The following PSD2 variants were observed in gnomAD, a reference collection of about 807,000 sequenced individuals.
The protein encoded by PSD2 is PH and SEC7 domain-containing protein 2.
A neutral mutation model predicts 69.8 loss-of-function variants in PSD2; 38 were observed. That is an observed-to-expected ratio of 0.54 (90% confidence interval 0.42 to 0.71). The LOEUF (loss-of-function observed/expected upper bound fraction) is 0.71, where lower values mean the gene tolerates loss of function less well. Ranked by LOEUF, PSD2 falls within the 30% of genes least tolerant of loss-of-function variation. PSD2 has a pLI of 0.00. For missense variants in PSD2, 943 were observed against 1,014.5 expected (o/e 0.93, Z 0.96); for synonymous variants, 412 against 423.0 (o/e 0.97, Z 0.32).
intron 5 of PSD2, among the ~76,000 whole-genome samples, chr5:139,819,699 A>G (rs1760209292): frequency 2.6e-5 from 4 of 152,136 alleles, no homozygotes; most frequent in Non-Finnish European, 5.9e-5. Flanking sequence ...CAATTTTCCA[A>G]TATCTTAAGA....
chr5:139,749,063 G>T, the PSD2 span, among the ~76,000 whole-genome samples: 2 of 152,098 alleles, frequency 1.3e-5, no homozygotes, highest in Non-Finnish European at 2.9e-5. Context: ...TCTCCCCAGG[G>T]TAAGTCAGGC....
chr5:139,838,540 C>T, intron 12 of PSD2, 88 bp from the exon 13 acceptor site: 1 of 1,456,964 alleles, frequency 6.9e-7, no homozygotes, highest in Non-Finnish European at 9.5e-7. Context: ...CTTCTCAGTG[C>T]CAGGCCCAGT....
chr5:139,802,851 G>A (rs1039547920), intron 1 of PSD2, among the ~76,000 whole-genome samples: 1 of 152,218 alleles, frequency 6.6e-6, no homozygotes, highest in African/African-American at 2.4e-5. Context: ...GACCTTTGTG[G>A]AGCAAGCTCC....
rs2126973989 is a variant in PSD2 at position 139,842,334 on chromosome 5, C to A, written c.2176C>A (p.Leu726Met). ...AMKIKVGSDD[L>M]ERIEARLATL... Reference sequence around the variant, plus strand: ...GAAAATCAAAGTGGGCTCAGATGATCTGGAGCGGATTGAGGCCCGGCTGGC... The same window carrying A: ...GAAAATCAAAGTGGGCTCAGATGATATGGAGCGGATTGAGGCCCGGCTGGC... The change falls in exon 15 of 15, where the codon CTG becomes ATG. Residue 726 changes from leucine to methionine, a missense_variant. Physicochemically the swap from Leu to Met is conservative, Grantham distance 15 (BLOSUM62 2). Around this residue, in one of 3 missense-constraint regions of PSD2, gnomAD observed 165 missense variants for 168.8 expected, o/e 0.98. Coordinates refer to ENST00000274710, the MANE Select transcript of PSD2 (RefSeq NM_032289.4). The A allele has an allele frequency of 6.2e-7, 1 of 1,614,208 alleles. No individual in the cohort carries two copies. The highest frequency in any genetic ancestry group is 1.1e-5 in the South Asian group (1 of 91,080).
Position 139,814,619 on chromosome 5 carries a change from C to T in PSD2, c.1016+255C>T, listed in dbSNP as rs190640427. ...GGGCAGCCCCTCAGGGCTGGGGGTG[C>T]GGGATGTGGGATGTGGTTATGGGGC... On this transcript the variant is annotated intron_variant, in intron 4 of 14. Transcript: ENST00000274710. This position sits in a 1 kb window ranked among gnomAD's most constrained non-coding sequence, Gnocchi z 4.4. 3.2e-3 allele frequency among the ~76,000 whole-genome samples: 489 copies of T among 151,768 alleles called. 13 individuals are homozygous for T. The highest frequency in any genetic ancestry group is 0.028 in the Admixed American group (434 of 15,250).
chr5:139,795,935 C>T lies in PSD2; in HGVS notation c.-91C>T, dbSNP rs950113996. ...AGGCAGCCCGGCGGCCTCCGATGGC[C>T]CCGCCGTGAGAGGCCGGACCCGCGG... On this transcript the variant is annotated 5_prime_UTR_variant, in exon 1 of 15. Transcript: ENST00000274710. This position sits in a 1 kb window ranked among gnomAD's most constrained non-coding sequence, Gnocchi z 4.5. 1 of 150,862 alleles carries T rather than the reference C, an allele frequency of 6.6e-6. No homozygotes were observed. The highest frequency in any genetic ancestry group is 2.4e-5 in the African/African-American group (1 of 41,284). 9.3% of individuals were successfully genotyped at this position (150,862 alleles called of 1,614,324 possible). A position where few individuals can be genotyped will look rare whatever the true frequency, so the allele number is the denominator to read the frequency against.
chr5:139,804,056 A>G (rs1330538844), intron 1 of PSD2, among the ~76,000 whole-genome samples: 2 of 152,196 alleles, frequency 1.3e-5, no homozygotes, highest in Admixed American at 6.5e-5. Flanking sequence ...CGGTGTGGGC[A>G]TCGCTGTTCA....
chr5:139,809,857 T>G, intron 2 of PSD2, 46 bp downstream of exon 2: 1 of 1,598,276 alleles, frequency 6.3e-7, no homozygotes, highest in Non-Finnish European at 8.5e-7. Context: ...TTGGCTGTTC[T>G]GTTGTTGTGT....
rs1561609533 is a variant in PSD2, at chr5:139,838,652, G to A, written c.1848G>A (p.Trp616Ter). The A allele has an allele frequency of 1.4e-5, 23 of 1,613,716 alleles. No individual in the cohort carries two copies. The highest frequency in any genetic ancestry group is 1.8e-5 in the Non-Finnish European group (21 of 1,179,808). The change falls in exon 13 of 15, where the codon TGG becomes TGA. Residue 616 changes from tryptophan (W) to a stop codon, truncating the protein, a stop_gained. Coordinates refer to ENST00000274710, the MANE Select transcript of PSD2 (RefSeq NM_032289.4). LOFTEE classifies it high-confidence loss of function. ...QAPSKEEMLS[W>*]ILRINLVAAI... ...GGAGCAAGGAAGAAATGCTGTCCTGGATCCTCAGGATCAACCTGGTGGCAG... is the reference window on the plus strand; with the variant it reads ...GGAGCAAGGAAGAAATGCTGTCCTGAATCCTCAGGATCAACCTGGTGGCAG...
In PSD2 at chr5:139,836,825, T is replaced by C. The variant is rs1561608142; in HGVS notation, c.1418T>C (p.Leu473Pro). 1 of 1,614,070 alleles carries C rather than the reference T, an allele frequency of 6.2e-7. No homozygotes were observed. The highest frequency in any genetic ancestry group is 1.7e-5 in the Admixed American group (1 of 60,014). ...KLEWAIDEDELRKSLSELVDD... is the reference protein window; with the variant it reads ...KLEWAIDEDEPRKSLSELVDD... ...TACTTCCCTAGTGATGAGGATGAGC[T>C]GAGGAAATCCCTGTCTGAGCTGGTG... Residue 473 changes from leucine to proline, a missense_variant, in exon 10 of 15, where the codon CTG becomes CCG. By Grantham distance (98) the Leu-to-Pro change is moderately conservative (BLOSUM62 -3). Around this residue, in one of 3 missense-constraint regions of PSD2, gnomAD observed 312 missense variants for 400.7 expected, o/e 0.78. Transcript: ENST00000274710.
At chr5:139,797,531 G>T (rs80142425) in intron 1 of PSD2, among the ~76,000 whole-genome samples, 74 of 152,316 alleles carry the variant, frequency 4.9e-4, no homozygotes, top group African/African-American at 1.7e-3. Context: ...TGGGGTGCAC[G>T]CTCCACAAGC....
chr5:139,809,418 G>T lies in PSD2; in HGVS notation c.-23G>T, dbSNP rs771956186. On this transcript the variant is annotated 5_prime_UTR_variant, in exon 2 of 15. Transcript: ENST00000274710. Reference sequence around the variant, plus strand: ...CTAGAGGAGTCCCAGGAGCAGCCAGGACAGGCGGAAGCAGTGGCTGCCATG... The same window carrying T: ...CTAGAGGAGTCCCAGGAGCAGCCAGTACAGGCGGAAGCAGTGGCTGCCATG... The T allele has an allele frequency of 6.2e-7, 1 of 1,605,322 alleles. No homozygotes were observed. Among genetic ancestry groups the T allele is most frequent in the South Asian group, 1.1e-5 (1 of 89,442 alleles).
the PSD2 span, among the ~76,000 whole-genome samples, chr5:139,744,647 T>A: frequency 6.6e-6 from 1 of 151,238 alleles, no homozygotes; most frequent in Non-Finnish European, 1.5e-5. Flanking sequence ...CATGTGTGTG[T>A]ACACACACAC....
At chr5:139,747,030 T>C in the PSD2 span, among the ~76,000 whole-genome samples, 2 of 152,120 alleles carry the variant, frequency 1.3e-5, no homozygotes, top group African/African-American at 4.8e-5. The surrounding 1 kb of genome is among the most constrained non-coding windows in gnomAD (Gnocchi z 6.7). Flanking sequence ...CCCACTTTCA[T>C]TGTGTGTCTC....
At chr5:139,762,900 C>T in the PSD2 span, among the ~76,000 whole-genome samples, 2 of 151,872 alleles carry the variant, frequency 1.3e-5, no homozygotes, top group African/African-American at 4.8e-5. Context: ...GCAGCGGAGT[C>T]GCTGGGGAGA....
At chr5:139,840,534 A>G (rs1760848743) in intron 14 of PSD2, among the ~76,000 whole-genome samples, 1 of 152,014 alleles carries the variant, frequency 6.6e-6, no homozygotes, top group Admixed American at 6.5e-5. Flanking sequence ...TAGGTTTAAC[A>G]ATTAGTATCT....
At chr5:139,760,010 A>G in the PSD2 span, among the ~76,000 whole-genome samples, 27 of 152,356 alleles carry the variant, frequency 1.8e-4, no homozygotes, top group South Asian at 5.6e-3. Flanking sequence ...CAGGCTGAGG[A>G]CAAAGGCCTT....
chr5:139,766,930 C>CCTTCCTTCCTTCCT, the PSD2 span, among the ~76,000 whole-genome samples: 1 of 44,046 alleles, frequency 2.3e-5, no homozygotes, highest in African/African-American at 7.9e-5. Flanking sequence ...CCTTCCTTCC[C>CCTTCCTTCCTTCCT]TTCTTTCTTT....
At chr5:139,835,323 CA>C (rs1179321908) in intron 8 of PSD2, among the ~76,000 whole-genome samples, 1 of 152,050 alleles carries the variant, frequency 6.6e-6, no homozygotes, top group Non-Finnish European at 1.5e-5. Context: ...CCCATCCTTC[CA>C]TCTTCCACCT....
Sources: gnomAD v4.1 joint callset for allele counts (sites outside exome capture counted in the v4.1 genomes callset) on GRCh38, gnomAD v4.1.1 for gene constraint, gnomAD v4.1.1 regional missense constraint, Gnocchi (gnomAD v3.1) non-coding constraint, MANE v1.5 for transcripts, NCBI Gene and HGNC (gene_info 2026-07-23, HGNC 2026-07-21) for gene names.